Variants in NDC80 observed in about 807,000 individuals in gnomAD.
NDC80 encodes NDC80 kinetochore complex component, also known as kinetochore protein NDC80 homolog.
NDC80 carries 69 observed loss-of-function variants against 89.3 expected under a neutral mutation model. That is an observed-to-expected ratio of 0.77 (90% CI 0.64 to 0.94). The LOEUF is 0.94. Among genes scored for constraint, NDC80 ranks in the 40% least tolerant of loss-of-function variants. NDC80 has a pLI of 0.00. For missense variants in NDC80, 593 were observed against 739.6 expected (o/e 0.80, Z 2.30); for synonymous variants, 243 against 255.6 (o/e 0.95, Z 0.47).
At chr18:2,572,145 G>C (rs1020582849) in intron 1 of NDC80, among the ~76,000 whole-genome samples, 1 of 152,198 alleles carries the variant, frequency 6.6e-6, no homozygotes, top group African/African-American at 2.4e-5. Flanking sequence ...AGATGAACAA[G>C]CGCATATTGA....
rs968832373 is a variant in NDC80, at chr18:2,616,516, A to G, written c.1871A>G (p.Lys624Arg). The G allele has an allele frequency of 6.6e-7, 1 of 1,507,528 alleles. No homozygotes were observed. Among genetic ancestry groups the G allele is most frequent in the Non-Finnish European group, 9.0e-7 (1 of 1,110,504 alleles). The allele number at this position is 1,507,528 out of a possible 1,614,324, so 93.4% of individuals were successfully genotyped here. A position where few individuals can be genotyped will look rare whatever the true frequency, so the allele number is the denominator to read the frequency against. ...TCAGAAGATCTCTCGGAAAATATTAAAGAGATTAGAGATAAGTATGAGAAG... is the reference window on the plus strand; with the variant it reads ...TCAGAAGATCTCTCGGAAAATATTAGAGAGATTAGAGATAAGTATGAGAAG... ...CMSEDLSENI[K>R]EIRDKYEKKA... Residue 624 changes from lysine (K) to arginine (R), a missense_variant, in exon 17 of 17, where the codon AAA (lysine) becomes AGA (arginine). By Grantham distance (26) the Lys-to-Arg change is conservative. Transcript: ENST00000261597.
At chr18:2,604,444 A>T (rs992185502) in intron 13 of NDC80, among the ~76,000 whole-genome samples, 14 of 152,228 alleles carry the variant, frequency 9.2e-5, no homozygotes, top group Admixed American at 3.9e-4. Flanking sequence ...GCACTTTGGG[A>T]GGCCAAGGCG....
intron 3 of NDC80, among the ~76,000 whole-genome samples, chr18:2,575,973 C>G (rs1446203427): frequency 2.6e-5 from 4 of 151,774 alleles, no homozygotes; most frequent in Admixed American, 6.6e-5. Context: ...ATGGTGCACG[C>G]CTATAATCCT....
chr18:2,583,761 C>T (rs959305136), intron 6 of NDC80, among the ~76,000 whole-genome samples: 1 of 151,370 alleles, frequency 6.6e-6, no homozygotes, highest in African/African-American at 2.4e-5. Context: ...AGGTAGAAGA[C>T]CCAGTTGTTA....
intron 16 of NDC80, among the ~76,000 whole-genome samples, chr18:2,614,110 C>G (rs886361449): frequency 6.6e-6 from 1 of 152,096 alleles, no homozygotes; most frequent in Non-Finnish European, 1.5e-5. Flanking sequence ...TAATTTACTG[C>G]TAGCAACTAT....
At chr18:2,599,452 T>C (rs1351808545) in intron 12 of NDC80, among the ~76,000 whole-genome samples, 3 of 152,198 alleles carry the variant, frequency 2.0e-5, no homozygotes, top group African/African-American at 2.4e-5. Flanking sequence ...AAATGCTATA[T>C]ATGTGCTTAA....
intron 15 of NDC80, among the ~76,000 whole-genome samples, chr18:2,609,399 A>T (rs185473463): frequency 6.6e-6 from 1 of 152,240 alleles, no homozygotes; most frequent in East Asian, 1.9e-4. Flanking sequence ...TCAGTGGCAC[A>T]CACCTGTAGT....
At chr18:2,596,230 C>A (rs1167807279) in intron 11 of NDC80, among the ~76,000 whole-genome samples, 1 of 152,138 alleles carries the variant, frequency 6.6e-6, no homozygotes, top group Non-Finnish European at 1.5e-5. Flanking sequence ...GAAGGGTTAG[C>A]ATGGCACAGC....
intron 6 of NDC80, among the ~76,000 whole-genome samples, chr18:2,581,794 C>T (rs1159959321): frequency 6.6e-6 from 1 of 152,058 alleles, no homozygotes; most frequent in Non-Finnish European, 1.5e-5. Flanking sequence ...TATATTTTAT[C>T]TAGAAGATGA....
chr18:2,575,546 A>C (rs1246718576), intron 3 of NDC80, among the ~76,000 whole-genome samples: 1 of 152,038 alleles, frequency 6.6e-6, no homozygotes, highest in Non-Finnish European at 1.5e-5. Context: ...TGGGAGGCTG[A>C]GATGATCTTG....
At chr18:2,614,439 A>AAAAGAAAAAAAG in intron 16 of NDC80, 1 of 23,326 alleles carries the variant, frequency 4.3e-5, no homozygotes. Context: ...CTGTCTCAAA[A>AAAAGAAAAAAAG]AAAGAAAGAA....
Position 2,598,881 on chromosome 18 carries a change from T to C in NDC80, c.1222-138T>C, listed in dbSNP as rs1417269344. ...TTGTATATTTTAAAACTGCTACTCTTACTGCTAAAGATTACTGAATTAGTA... is the reference window on the plus strand; with the variant it reads ...TTGTATATTTTAAAACTGCTACTCTCACTGCTAAAGATTACTGAATTAGTA... On this transcript the variant is annotated intron_variant, in intron 11 of 16. Coordinates refer to ENST00000261597, the MANE Select transcript of NDC80 (RefSeq NM_006101.3). 6.3e-6 allele frequency: 5 copies of C among 789,484 alleles called. No homozygotes were observed. In the African/African-American group the frequency reaches 8.8e-5, roughly 14 times the overall value. 48.9% of individuals were successfully genotyped at this position (789,484 alleles called of 1,614,324 possible). A position where few individuals can be genotyped will look rare whatever the true frequency, so the allele number is the denominator to read the frequency against.
intron 16 of NDC80, among the ~76,000 whole-genome samples, chr18:2,615,534 A>T (rs2072780182): frequency 6.6e-6 from 1 of 152,182 alleles, no homozygotes; most frequent in African/African-American, 2.4e-5. Flanking sequence ...ATAGTGCAGG[A>T]TAATCTCCTT....
At position 2,595,431 on chromosome 18, in the gene NDC80, C is replaced by T. The variant is rs779821206; in HGVS notation, c.1031C>T (p.Thr344Ile). The T allele has an allele frequency of 1.2e-6, 2 of 1,613,134 alleles. No individual in the cohort carries two copies. Among genetic ancestry groups the T allele is most frequent in the East Asian group, 2.2e-5 (1 of 44,818 alleles). The change falls in exon 11 of 17, where the codon ACA becomes ATA. Residue 344 changes from threonine to isoleucine, a missense_variant. By Grantham distance (89) the Thr-to-Ile change is moderately conservative. Transcript: ENST00000261597. ...EIARVELECE[T>I]IKQENTRLQN... ...TCCAACACAGAACTAGAATGTGAAA[C>T]AATAAAACAGGAGAACACTCGACTA...
intron 5 of NDC80, 104 bp from the exon 6 acceptor site, chr18:2,578,823 G>A: frequency 3.7e-6 from 2 of 547,218 alleles, no homozygotes; most frequent in East Asian, 3.4e-5. Flanking sequence ...AGTCAAGACT[G>A]AGTGTGTATG....
chr18:2,577,406 G>A (rs951814463), intron 3 of NDC80: 16 of 188,932 alleles, frequency 8.5e-5, no homozygotes, highest in East Asian at 1.3e-4. Flanking sequence ...TAGTAGAGAC[G>A]AGGTTTCACC....
chr18:2,601,077 G>C (rs1455067670), intron 12 of NDC80, among the ~76,000 whole-genome samples: 1 of 152,040 alleles, frequency 6.6e-6, no homozygotes, highest in Non-Finnish European at 1.5e-5. Flanking sequence ...ACCTACATAT[G>C]AATTGTTTTC....
At chr18:2,573,801 G>A (rs1296071576) in intron 2 of NDC80, among the ~76,000 whole-genome samples, 1 of 152,022 alleles carries the variant, frequency 6.6e-6, no homozygotes, top group Non-Finnish European at 1.5e-5. Flanking sequence ...AAATGTTTGT[G>A]CTGTTATACA....
At chr18:2,583,568 G>T (rs530895474) in intron 6 of NDC80, among the ~76,000 whole-genome samples, 1 of 151,896 alleles carries the variant, frequency 6.6e-6, no homozygotes, top group Non-Finnish European at 1.5e-5. Context: ...ATAGTGACAG[G>T]TACCTGTAAT....
Sources: gnomAD v4.1 joint callset for allele counts (sites outside exome capture counted in the v4.1 genomes callset) on GRCh38, gnomAD v4.1.1 for gene constraint, MANE v1.5 for transcripts, NCBI Gene and HGNC (gene_info 2026-07-23, HGNC 2026-07-21) for gene names.